The following CAPZA2 variants were observed in gnomAD, a reference collection of about 807,000 sequenced individuals.
CAPZA2 encodes the protein F-actin-capping protein subunit alpha-2.
A neutral mutation model predicts 44.0 loss-of-function variants in CAPZA2; 13 were observed. The ratio of observed to expected loss-of-function variants is 0.30; its 90% CI spans 0.19 to 0.47. The LOEUF is 0.47. Among genes scored for constraint, CAPZA2 ranks in the 20% least tolerant of loss-of-function variants. The pLI, the probability that CAPZA2 is intolerant of heterozygous loss-of-function variation, is 1.00. For synonymous variants in CAPZA2, 94 were observed against 108.2 expected (o/e 0.87, Z 0.81); for missense variants, 244 against 338.6 (o/e 0.72, Z 2.19).
rs1204122720 is a variant in CAPZA2 at position 116,898,421 on chromosome 7, C to G, written c.156-351C>G. On this transcript the variant is annotated intron_variant, in intron 3 of 9. Transcript: ENST00000361183. Reference sequence around the variant, plus strand: ...ATCTAAGTATTCTTTGCATCTCTTACAGCACCTAGTCTGTTTCCTGGTATA... The same window carrying G: ...ATCTAAGTATTCTTTGCATCTCTTAGAGCACCTAGTCTGTTTCCTGGTATA... Among the ~76,000 whole-genome samples, 3 of 152,252 alleles carry G rather than the reference C, an allele frequency of 2.0e-5. No homozygotes were observed. The East Asian group carries it at 5.8e-4, about 29-fold the overall frequency.
intron 1 of CAPZA2, among the ~76,000 whole-genome samples, chr7:116,885,452 AC>A (rs1453454660): frequency 6.6e-6 from 1 of 151,950 alleles, no homozygotes; most frequent in Non-Finnish European, 1.5e-5. Flanking sequence ...TACAGCGGAC[AC>A]CAGCTGGGTG....
chr7:116,914,321 G>T (rs1352969731), intron 8 of CAPZA2, among the ~76,000 whole-genome samples: 1 of 151,670 alleles, frequency 6.6e-6, no homozygotes, highest in African/African-American at 2.4e-5. Context: ...GAGCCACTGC[G>T]CCCGGCCAGA....
At position 116,910,284 on chromosome 7, in the gene CAPZA2, T is replaced by C; in HGVS notation, c.558T>C (p.Thr186=). The C allele has an allele frequency of 1.3e-6, 2 of 1,592,710 alleles. No homozygotes were observed. Among genetic ancestry groups the C allele is most frequent in the Non-Finnish European group, 1.7e-6 (2 of 1,160,694 alleles). Residue 186 remains threonine (T), a synonymous_variant, in exon 7 of 10, where the codon ACT becomes ACC. Transcript: ENST00000361183. ...AGTTTACAATCACTCCTTCAACCAC[T>C]CAAGTGGTTGGCATCTTGAAAATTC... ...EWKFTITPST[T]QVVGILKIQV... is the part of the protein sequence containing the mutation.
chr7:116,874,752 C>T (rs1038557311), intron 1 of CAPZA2: 3 of 152,206 alleles, frequency 2.0e-5, no homozygotes, highest in African/African-American at 7.2e-5. Flanking sequence ...AGCATTCTTT[C>T]CTTTCTCTCC....
chr7:116,898,829 A>C lies in CAPZA2; in HGVS notation c.213A>C (p.Glu71Asp). The C allele has an allele frequency of 6.4e-7, 1 of 1,574,546 alleles. No individual in the cohort carries two copies. The highest frequency in any genetic ancestry group is 1.1e-5 in the South Asian group (1 of 89,138). Residue 71 changes from glutamate to aspartate, a missense_variant, in exon 4 of 10, where the codon GAA (glutamate) becomes GAC (aspartate). Coordinates refer to ENST00000361183, the MANE Select transcript of CAPZA2 (RefSeq NM_006136.3). ...QFTPVKIEGY[E>D]DQVLITEHGD... Reference sequence around the variant, plus strand: ...CTCCAGTAAAAATTGAAGGTTATGAAGATCAGGTATGTTTCATATAAACAC... The same window carrying C: ...CTCCAGTAAAAATTGAAGGTTATGACGATCAGGTATGTTTCATATAAACAC...
In CAPZA2 at chr7:116,917,641, A is replaced by G. The variant is rs970985371; in HGVS notation, c.721-86A>G. The G allele has an allele frequency of 8.2e-6, 8 of 969,736 alleles. No homozygotes were observed. In the Admixed American group the frequency reaches 9.0e-5, roughly 11 times the overall value. 60.1% of individuals were successfully genotyped at this position (969,736 alleles called of 1,614,324 possible). On this transcript the variant is annotated intron_variant, in intron 9 of 9. Coordinates refer to ENST00000361183, the MANE Select transcript of CAPZA2 (RefSeq NM_006136.3). ...AAACAGTGAAACAGGCTGCTTAAAT[A>G]AAACTTATTCTGAAAACATCTATGT...
intron 1 of CAPZA2, among the ~76,000 whole-genome samples, chr7:116,878,131 T>C (rs968358851): frequency 2.6e-5 from 4 of 152,220 alleles, no homozygotes; most frequent in Admixed American, 6.5e-5. Context: ...TTGATGGAGA[T>C]CTCTAATAGA....
At chr7:116,907,177 A>C (rs1400164953) in intron 6 of CAPZA2, among the ~76,000 whole-genome samples, 1 of 152,242 alleles carries the variant, frequency 6.6e-6, no homozygotes, top group South Asian at 2.1e-4. Flanking sequence ...TCATGGCCCA[A>C]GGTTGCTCCA....
rs750860791 is a variant in CAPZA2, at chr7:116,912,086, T to C, written c.603T>C (p.Asp201=). The change falls in exon 8 of 10, where the codon GAT becomes GAC. Residue 201 remains aspartate (D), a synonymous_variant. Transcript: ENST00000361183. Reference sequence around the variant, plus strand: ...TCTAATAGGTTCATTATTATGAAGATGGTAATGTTCAGCTAGTGAGTCATA... The same window carrying C: ...TCTAATAGGTTCATTATTATGAAGACGGTAATGTTCAGCTAGTGAGTCATA... ...ILKIQVHYYE[D]GNVQLVSHKD... The C allele has an allele frequency of 1.9e-6, 3 of 1,612,898 alleles. No individual in the cohort carries two copies. The highest frequency in any genetic ancestry group is 1.7e-5 in the Admixed American group (1 of 59,970).
intron 7 of CAPZA2, among the ~76,000 whole-genome samples, chr7:116,911,489 C>T (rs1443889473): frequency 6.6e-6 from 1 of 152,136 alleles, no homozygotes; most frequent in Non-Finnish European, 1.5e-5. Context: ...CTTCACATAC[C>T]TCTAGTCCTC....
At chr7:116,915,877 T>C (rs1791672708) in intron 8 of CAPZA2, 183 bp from the exon 9 acceptor site, 1 of 415,050 alleles carries the variant, frequency 2.4e-6, no homozygotes, top group Admixed American at 4.7e-5. Flanking sequence ...TTCTGTAGAC[T>C]TTTAAAATAA....
At chr7:116,887,363 T>C (rs996527079) in intron 1 of CAPZA2, among the ~76,000 whole-genome samples, 3 of 151,132 alleles carry the variant, frequency 2.0e-5, no homozygotes, top group African/African-American at 7.3e-5. Context: ...CCCTTCTCTA[T>C]CAAAAATACA....
intron 3 of CAPZA2, 74 bp downstream of exon 3, chr7:116,893,119 G>T: frequency 1.1e-6 from 1 of 951,152 alleles, no homozygotes; most frequent in African/African-American, 1.7e-5. Flanking sequence ...AGTGTGTGGG[G>T]GTTTTTTGTG....
intron 1 of CAPZA2, among the ~76,000 whole-genome samples, chr7:116,885,893 G>A (rs75708265): frequency 0.06 from 9,183 of 152,078 alleles, 928 homozygotes; most frequent in African/African-American, 0.21. Flanking sequence ...AACCATTGGC[G>A]ACTGGTAATA....
chr7:116,874,961 C>T (rs1398533093), intron 1 of CAPZA2: 3 of 152,418 alleles, frequency 2.0e-5, no homozygotes, highest in African/African-American at 7.2e-5. Flanking sequence ...TGGTGGTGCT[C>T]ACCTGTAATC....
chr7:116,891,956 A>C (rs1447338598), intron 2 of CAPZA2, among the ~76,000 whole-genome samples: 5 of 152,244 alleles, frequency 3.3e-5, no homozygotes, highest in Non-Finnish European at 7.3e-5. Flanking sequence ...AAGAATCTAA[A>C]CTTCACAAAA....
At chr7:116,914,325 G>A (rs1032221908) in intron 8 of CAPZA2, among the ~76,000 whole-genome samples, 10 of 151,306 alleles carry the variant, frequency 6.6e-5, no homozygotes, top group East Asian at 5.9e-4. Context: ...CACTGCGCCC[G>A]GCCAGAAAAA....
At chr7:116,888,306 T>C (rs537191277) in intron 2 of CAPZA2, 116 bp downstream of exon 2, 1 of 634,658 alleles carries the variant, frequency 1.6e-6, no homozygotes, top group South Asian at 2.1e-5. Flanking sequence ...GTTTTCTGAA[T>C]TACAATGACA....
intron 8 of CAPZA2, among the ~76,000 whole-genome samples, chr7:116,913,123 AT>A (rs1243882534): frequency 6.6e-6 from 1 of 152,154 alleles, no homozygotes; most frequent in East Asian, 1.9e-4. Flanking sequence ...TTCCTAATTG[AT>A]TATTCACATT....
Sources: gnomAD v4.1 joint callset for allele counts (sites outside exome capture counted in the v4.1 genomes callset) on GRCh38, gnomAD v4.1.1 for gene constraint, MANE v1.5 for transcripts, NCBI Gene and HGNC (gene_info 2026-07-23, HGNC 2026-07-21) for gene names.